Variants in SLC17A2 observed in about 807,000 individuals in gnomAD.
The protein encoded by SLC17A2 is solute carrier family 17 member 2.
Under a neutral mutation model 52.1 loss-of-function variants are expected in SLC17A2, and 38 were observed. That is an observed-to-expected ratio of 0.73 (90% confidence interval 0.56 to 0.96). SLC17A2 has a LOEUF of 0.96. SLC17A2 is among the 40% of genes least tolerant of loss of function. The probability of loss-of-function intolerance (pLI) is 0.00; values close to 1 mark genes in which losing one functional copy is unlikely to be tolerated. For missense variants in SLC17A2, 508 were observed against 583.9 expected, an observed-to-expected ratio of 0.87 and a Z score of 1.34; for synonymous variants, 226 against 211.9, an observed-to-expected ratio of 1.07 and a Z score of -0.58.
At position 25,923,875 on chromosome 6, in the gene SLC17A2, C is replaced by A. The variant is rs929478664; in HGVS notation, c.60G>T (p.Leu20=). The A allele has an allele frequency of 6.2e-7, 1 of 1,614,052 alleles. No individual in the cohort carries two copies. Among genetic ancestry groups the A allele is most frequent in the Non-Finnish European group, 8.5e-7 (1 of 1,180,042 alleles). The change falls in exon 3 of 12, where the codon CTG becomes CTT. Residue 20 remains leucine (L), a synonymous_variant. Coordinates refer to ENST00000377850, the MANE Select transcript of SLC17A2 (RefSeq NM_001286123.3). Reference sequence around the variant, plus strand: ...AGTTTGAGAAGTGCATGATAAGAGCCAGCCCATAGCGTAATGAACAGAAAT... The same window carrying A: ...AGTTTGAGAAGTGCATGATAAGAGCAAGCCCATAGCGTAATGAACAGAAAT... ...GPDFCSLRYG[L]ALIMHFSNFT...
At chr6:25,914,400 T>C (rs1254024152) in intron 11 of SLC17A2, 180 bp downstream of exon 11, 1 of 593,826 alleles carries the variant, frequency 1.7e-6, no homozygotes, top group African/African-American at 1.9e-5. Context: ...CATCTATTCA[T>C]CTTGAGAAAA....
At chr6:25,915,689 T>C (rs41266769) in intron 9 of SLC17A2, 43 bp from the exon 10 acceptor site, 87 of 1,613,148 alleles carry the variant, frequency 5.4e-5, no homozygotes, top group Middle Eastern at 1.7e-4. Context: ...TCTGAGACCA[T>C]GTGCAGAAAA....
At chr6:25,920,325 G>T (rs1025777078) in intron 5 of SLC17A2, among the ~76,000 whole-genome samples, 1 of 152,140 alleles carries the variant, frequency 6.6e-6, no homozygotes, top group Admixed American at 6.5e-5. Flanking sequence ...AGCTGTAGAG[G>T]CCTGAGTAGG....
chr6:25,919,699 C>CA (rs766352177), intron 5 of SLC17A2, among the ~76,000 whole-genome samples: 1,618 of 31,066 alleles, frequency 0.052, 309 homozygotes, highest in African/African-American at 0.091. Flanking sequence ...GACACCGTCT[C>CA]AAAAAAAAAA....
intron 1 of SLC17A2, among the ~76,000 whole-genome samples, chr6:25,926,837 T>G (rs1173152988): frequency 1.3e-5 from 2 of 152,056 alleles, no homozygotes; most frequent in East Asian, 3.9e-4. Context: ...GAGACTGAGG[T>G]GGGTGGATCA....
At position 25,921,029 on chromosome 6, in the gene SLC17A2, T is replaced by G. The variant is rs928055773; in HGVS notation, c.539A>C (p.Lys180Thr). The change falls in exon 5 of 12, where the codon AAG becomes ACG. Residue 180 changes from lysine to threonine, a missense_variant. Coordinates refer to ENST00000377850, the MANE Select transcript of SLC17A2 (RefSeq NM_001286123.3). ...AKWAPPLERS[K>T]LTTIAGSGSA... ...ACCTGATCCTGCAATGGTGGTGAGC[T>G]TGCTTCGTTCAAGTGGAGGAGCCCA... 22 of 1,614,102 alleles carry G rather than the reference T, an allele frequency of 1.4e-5. No homozygotes were observed. Among genetic ancestry groups the G allele is most frequent in the Non-Finnish European group, 1.9e-5 (22 of 1,180,050 alleles).
chr6:25,915,583 G>T lies in SLC17A2; in HGVS notation c.1127C>A (p.Thr376Asn). 1 of 1,611,234 alleles carries T rather than the reference G, an allele frequency of 6.2e-7. No homozygotes were observed. Among genetic ancestry groups the T allele is most frequent in the Non-Finnish European group, 8.5e-7 (1 of 1,178,616 alleles). ...AGGAATAAGTATCAGCAAAATAATG[G>T]TTATCACGTAACTGGAGGCCACAAA... ...LPFVASSYVI[T>N]IILLILIPGT... is the part of the protein sequence containing the mutation. The change falls in exon 10 of 12, where the codon ACC (threonine) becomes AAC (asparagine). Residue 376 changes from threonine (T) to asparagine (N), a missense_variant. Transcript: ENST00000377850.
intron 6 of SLC17A2, among the ~76,000 whole-genome samples, chr6:25,917,972 T>C (rs1054657015): frequency 6.6e-6 from 1 of 152,102 alleles, no homozygotes; most frequent in Non-Finnish European, 1.5e-5. Flanking sequence ...GGAAATATCA[T>C]AAAGGAGAGA....
intron 6 of SLC17A2, among the ~76,000 whole-genome samples, 190 bp from the exon 7 acceptor site, chr6:25,917,277 G>A (rs1204164882): frequency 2.0e-5 from 3 of 151,986 alleles, no homozygotes; most frequent in Non-Finnish European, 4.4e-5. Context: ...TAGATATTAC[G>A]TCTCAAATAG....
chr6:25,923,205 CAA>C (rs1766624610), intron 3 of SLC17A2, among the ~76,000 whole-genome samples: 1 of 152,036 alleles, frequency 6.6e-6, no homozygotes, highest in Non-Finnish European at 1.5e-5. Flanking sequence ...AACAAACAAA[CAA>C]ACAGCAAAAT....
chr6:25,919,072 C>T (rs1766437834), intron 5 of SLC17A2, among the ~76,000 whole-genome samples: 1 of 152,142 alleles, frequency 6.6e-6, no homozygotes, highest in Admixed American at 6.5e-5. Context: ...AACAACAAGA[C>T]ACATATTTCA....
At chr6:25,918,964 C>A (rs1020309585) in intron 5 of SLC17A2, among the ~76,000 whole-genome samples, 1 of 152,116 alleles carries the variant, frequency 6.6e-6, no homozygotes, top group Non-Finnish European at 1.5e-5. Context: ...ACAGCCCCTG[C>A]CCTCAAAGAG....
At chr6:25,914,869 G>A (rs375728879) in intron 10 of SLC17A2, among the ~76,000 whole-genome samples, 199 bp from the exon 11 acceptor site, 53 of 152,090 alleles carry the variant, frequency 3.5e-4, no homozygotes, top group Middle Eastern at 3.4e-3. Flanking sequence ...TAACCAGGGA[G>A]CAATGCAGTC....
chr6:25,920,567 G>C (rs1158759575), intron 5 of SLC17A2, among the ~76,000 whole-genome samples: 2 of 152,188 alleles, frequency 1.3e-5, no homozygotes, highest in African/African-American at 2.4e-5. Flanking sequence ...GAATAGTAAA[G>C]AGCTTAGAAT....
At chr6:25,922,224 A>G (rs985768203) in intron 3 of SLC17A2, among the ~76,000 whole-genome samples, 3 of 152,184 alleles carry the variant, frequency 2.0e-5, no homozygotes, top group Non-Finnish European at 4.4e-5. Context: ...GAGGATGAAC[A>G]TAAATAAAAC....
intron 11 of SLC17A2, among the ~76,000 whole-genome samples, chr6:25,913,861 A>G (rs1766199938): frequency 6.6e-6 from 1 of 151,894 alleles, no homozygotes; most frequent in Non-Finnish European, 1.5e-5. Context: ...ACCCATCTCA[A>G]TTCAACATGA....
intron 1 of SLC17A2, among the ~76,000 whole-genome samples, chr6:25,927,782 T>A (rs1389638410): frequency 6.6e-6 from 1 of 152,152 alleles, no homozygotes. Context: ...GCTAGTAAGA[T>A]CAGGTCAGCA....
intron 2 of SLC17A2, among the ~76,000 whole-genome samples, chr6:25,924,616 C>T (rs912981141): frequency 6.6e-6 from 1 of 151,868 alleles, no homozygotes; most frequent in African/African-American, 2.4e-5. Flanking sequence ...TGAGACCAGC[C>T]TGGTCAACAT....
At chr6:25,928,456 C>T (rs1766839502) in intron 1 of SLC17A2, among the ~76,000 whole-genome samples, 1 of 152,154 alleles carries the variant, frequency 6.6e-6, no homozygotes, top group Non-Finnish European at 1.5e-5. Flanking sequence ...AATTGTATCA[C>T]AAACCCATCA....
Sources: gnomAD v4.1 joint callset for allele counts (sites outside exome capture counted in the v4.1 genomes callset) on GRCh38, gnomAD v4.1.1 for gene constraint, MANE v1.5 for transcripts, NCBI Gene and HGNC (gene_info 2026-07-23, HGNC 2026-07-21) for gene names.